GRIP2: variants seen among roughly 807,000 people sequenced by gnomAD.
GRIP2 encodes the protein glutamate receptor-interacting protein 2.
A neutral mutation model predicts 108.3 loss-of-function variants in GRIP2; 58 were observed. That is an observed-to-expected ratio of 0.54 (90% CI 0.43 to 0.67). GRIP2 has a LOEUF of 0.67. Among genes scored for constraint, GRIP2 ranks in the 30% least tolerant of loss-of-function variants. The pLI is 0.00. For synonymous variants in GRIP2, 586 were observed against 598.2 expected, an observed-to-expected ratio of 0.98 and a Z score of 0.30; for missense variants, 1,278 against 1,430.6, an observed-to-expected ratio of 0.89 and a Z score of 1.72.
rs1013732357 is a variant in GRIP2, at chr3:14,551,304, G to A, written c.55+4596C>T. Among the ~76,000 whole-genome samples, 5 of 152,316 alleles carry A rather than the reference G, an allele frequency of 3.3e-5. No homozygotes were observed. The East Asian group carries it at 7.7e-4, about 24-fold the overall frequency. ...AAGCCGACAGACAGAGACAATGCCCGGACCTGAGCTGAAGAGATCAGCATG... is the reference window on the plus strand; with the variant it reads ...AAGCCGACAGACAGAGACAATGCCCAGACCTGAGCTGAAGAGATCAGCATG... On this transcript the variant is annotated intron_variant, in intron 1 of 23. Coordinates refer to the GRIP2 transcript ENST00000637182.
intron 16 of GRIP2, among the ~76,000 whole-genome samples, chr3:14,510,538 T>C (rs1694057981): frequency 6.6e-6 from 1 of 152,006 alleles, no homozygotes; most frequent in African/African-American, 2.4e-5. Flanking sequence ...GTGAGGGGTG[T>C]ACAGGTATGA....
At position 14,520,573 on chromosome 3, in the gene GRIP2, TACCGAGC is replaced by T; in HGVS notation, c.713-43_713-37del. On this transcript the variant is annotated intron_variant, in intron 7 of 23. Coordinates refer to ENST00000621039, the MANE Select transcript of GRIP2 (RefSeq NM_001080423.4). Reference sequence around the variant, plus strand: ...GGAGAAAAAAAGTTTGAAATGCAAATACCGAGCACTTTCCTCCCCAGCCTCACCCTGC... The same window carrying T: ...GGAGAAAAAAAGTTTGAAATGCAAATACTTTCCTCCCCAGCCTCACCCTGC... 2.5e-6 allele frequency: 4 copies of T among 1,610,808 alleles called. 1 individual carries two copies. In the South Asian group the frequency reaches 4.4e-5, roughly 18 times the overall value.
intron 1 of GRIP2, among the ~76,000 whole-genome samples, chr3:14,526,737 G>A (rs1215162965): frequency 6.6e-6 from 1 of 152,108 alleles, no homozygotes; most frequent in Non-Finnish European, 1.5e-5. Context: ...ATACGTCAAG[G>A]GGTGCTTCAT....
At chr3:14,570,915 GTCAGGGTTTCTCAACC>G in the GRIP2 span, among the ~76,000 whole-genome samples, 1 of 152,148 alleles carries the variant, frequency 6.6e-6, no homozygotes, top group Admixed American at 6.5e-5. Context: ...CTTTTTTTAG[GTCAGGGTTTCTCAACC>G]TCAGGCAGTA....
intron 1 of GRIP2, among the ~76,000 whole-genome samples, chr3:14,526,494 C>A (rs61285372): frequency 0.029 from 4,411 of 152,272 alleles, 199 homozygotes; most frequent in African/African-American, 0.095. Flanking sequence ...CTGCACTTTA[C>A]AGTTTATGAA....
intron 21 of GRIP2, among the ~76,000 whole-genome samples, chr3:14,503,342 GATA>G (rs1693820807): frequency 6.6e-6 from 1 of 152,242 alleles, no homozygotes; most frequent in African/African-American, 2.4e-5. Flanking sequence ...TGTCCACACA[GATA>G]ATGTGTAGTA....
chr3:14,577,746 T>G, the GRIP2 span, among the ~76,000 whole-genome samples: 2 of 152,210 alleles, frequency 1.3e-5, no homozygotes, highest in African/African-American at 4.8e-5. Flanking sequence ...TAAGCCAAGT[T>G]GCTCACATGC....
chr3:14,527,416 G>GAA (rs2124933884), intron 1 of GRIP2, among the ~76,000 whole-genome samples: 3 of 56,778 alleles, frequency 5.3e-5, no homozygotes, highest in Admixed American at 2.4e-4. Context: ...GAAGGAAAGC[G>GAA]AGGGGAGGGG....
upstream of GRIP2, chr3:14,540,378 C>T (rs200230523): frequency 0.012 from 19,233 of 1,611,130 alleles, 161 homozygotes; most frequent in Non-Finnish European, 0.015. The surrounding 1 kb of genome is among the most constrained non-coding windows in gnomAD (Gnocchi z 4.1). Flanking sequence ...TCCCTCCCCT[C>T]CCCAGGGAGG....
the GRIP2 span, among the ~76,000 whole-genome samples, chr3:14,570,748 C>T: frequency 6.6e-6 from 1 of 152,132 alleles, no homozygotes; most frequent in Non-Finnish European, 1.5e-5. Context: ...ACTGGCCTTC[C>T]CCAGATAGCC....
intron 21 of GRIP2, among the ~76,000 whole-genome samples, chr3:14,501,075 C>T (rs553853052): frequency 9.2e-5 from 14 of 152,162 alleles, no homozygotes; most frequent in Non-Finnish European, 1.9e-4. Context: ...GAAGTACTGA[C>T]ACATGCCACA....
intron 1 of GRIP2, among the ~76,000 whole-genome samples, chr3:14,526,573 C>A (rs1206486702): frequency 6.6e-6 from 1 of 152,212 alleles, no homozygotes; most frequent in Non-Finnish European, 1.5e-5. Context: ...CGAGAAAGCG[C>A]TCCCTTGTGT....
the GRIP2 span, among the ~76,000 whole-genome samples, chr3:14,591,668 C>A: frequency 1.3e-5 from 2 of 152,168 alleles, no homozygotes; most frequent in Non-Finnish European, 2.9e-5. Flanking sequence ...TGGAAGGGAG[C>A]CTGGGTTTTA....
At chr3:14,501,564 T>G (rs1283983907) in intron 21 of GRIP2, among the ~76,000 whole-genome samples, 1 of 151,966 alleles carries the variant, frequency 6.6e-6, no homozygotes, top group Non-Finnish European at 1.5e-5. Context: ...TATATCGAAA[T>G]GGAAAAATGA....
In GRIP2 at chr3:14,514,459, C is replaced by T. The variant is rs757079479; in HGVS notation, c.1326G>A (p.Thr442=). The change falls in exon 12 of 24, where the codon ACG becomes ACA. Residue 442 remains threonine (T), a synonymous_variant. Coordinates refer to ENST00000621039, the MANE Select transcript of GRIP2 (RefSeq NM_001080423.4). ...GCACAATCTGCCCGCCCGGCCCCAC[C>T]GTGCTGGAGGCTAGCGACACTGTAG... ...HKSSLSLASS[T]VGPGGQIVHT... is the part of the protein sequence containing the mutation. The T allele has an allele frequency of 8.3e-5, 131 of 1,575,480 alleles. No individual in the cohort carries two copies. Among genetic ancestry groups the T allele is most frequent in the Non-Finnish European group, 1.1e-4 (125 of 1,162,086 alleles).
rs1694406935 is a variant in GRIP2, at chr3:14,521,523, T to C, written c.712+119A>G. 4 of 1,101,348 alleles carry C rather than the reference T, an allele frequency of 3.6e-6. No homozygotes were observed. The highest frequency in any genetic ancestry group is 5.1e-6 in the Non-Finnish European group (4 of 786,646). The allele number at this position is 1,101,348 out of a possible 1,614,324, so 68.2% of individuals were successfully genotyped here. On this transcript the variant is annotated intron_variant, in intron 7 of 23. Coordinates refer to ENST00000621039, the MANE Select transcript of GRIP2 (RefSeq NM_001080423.4). The surrounding 1 kb of genome is among the most constrained non-coding windows in gnomAD (Gnocchi z 5.1). The stretch of plus-strand genomic sequence containing the variant: ...ATTTACTGCCCAGAGAAGCTGTGAC[T>C]GGCCCAAGGTCATAAGGTCATGCAG...
chr3:14,595,548 C>A, the GRIP2 span, among the ~76,000 whole-genome samples: 1 of 152,198 alleles, frequency 6.6e-6, no homozygotes, highest in Non-Finnish European at 1.5e-5. Context: ...GAAACTGAGG[C>A]CCCGAAAGGT....
At chr3:14,600,215 G>C in the GRIP2 span, among the ~76,000 whole-genome samples, 8 of 152,120 alleles carry the variant, frequency 5.3e-5, no homozygotes, top group Non-Finnish European at 1.0e-4. Flanking sequence ...GCCCAACAAT[G>C]CATCAGATCA....
At position 14,521,140 on chromosome 3, in the gene GRIP2, C is replaced by T. The variant is rs1559343422; in HGVS notation, c.712+502G>A. The T allele has an allele frequency of 6.1e-6, 1 of 164,626 alleles. No individual in the cohort carries two copies. Among genetic ancestry groups the T allele is most frequent in the Non-Finnish European group, 1.3e-5 (1 of 75,884 alleles). The allele number at this position is 164,626 out of a possible 1,614,324, so 10.2% of individuals were successfully genotyped here. A position where few individuals can be genotyped will look rare whatever the true frequency, so the allele number is the denominator to read the frequency against. On this transcript the variant is annotated intron_variant, in intron 7 of 23. Coordinates refer to ENST00000621039, the MANE Select transcript of GRIP2 (RefSeq NM_001080423.4). This position sits in a 1 kb window ranked among gnomAD's most constrained non-coding sequence, Gnocchi z 5.1. The stretch of plus-strand genomic sequence containing the variant: ...CCTGCTCTGCCCTTACCTCCTTTCA[C>T]TCACCTGTGCCAACCACGGCAGCCT...
Sources: allele counts gnomAD v4.1 joint callset (sites outside exome capture counted in the v4.1 genomes callset), GRCh38; gene constraint gnomAD v4.1.1; non-coding constraint Gnocchi (gnomAD v3.1); transcripts MANE v1.5; gene names NCBI Gene and HGNC (gene_info 2026-07-23, HGNC 2026-07-21).